Variants in LONRF2 observed in about 807,000 individuals in gnomAD.
LONRF2 encodes LON peptidase N-terminal domain and ring finger 2.
LONRF2 carries 35 observed loss-of-function variants against 66.6 expected under a neutral mutation model. The observed-to-expected ratio is 0.53, with a 90% CI of 0.40 to 0.70. LONRF2 has a LOEUF of 0.70. Among genes scored for constraint, LONRF2 ranks in the 30% least tolerant of loss-of-function variants. The probability of loss-of-function intolerance (pLI) is 0.00; values close to 1 mark genes in which losing one functional copy is unlikely to be tolerated. For missense variants in LONRF2, 902 were observed against 1,002.1 expected (o/e 0.90, Z 1.35); for synonymous variants, 417 against 418.1 (o/e 1.00, Z 0.03).
At position 100,299,724 on chromosome 2, in the gene LONRF2, G is replaced by T; in HGVS notation, c.1260C>A (p.Pro420=). The T allele has an allele frequency of 6.2e-7, 1 of 1,613,888 alleles. No individual in the cohort carries two copies. The highest frequency in any genetic ancestry group is 8.5e-7 in the Non-Finnish European group (1 of 1,179,904). The change falls in exon 5 of 12, where the codon CCC becomes CCA. Residue 420 remains proline, a synonymous_variant. Coordinates refer to ENST00000393437, the MANE Select transcript of LONRF2 (RefSeq NM_198461.4). The stretch of plus-strand genomic sequence containing the variant: ...TGAAAACAGTTCACTGACCTTTCTT[G>T]GGAATTTTTCCAGGGGCGTTCAGGT... ...APDLNAPGKI[P]KKDLSLQRSP...
At position 100,305,927 on chromosome 2, in the gene LONRF2, C is replaced by T. The variant is rs558381495; in HGVS notation, c.799-2884G>A. The stretch of plus-strand genomic sequence containing the variant: ...TTTTTGAGATGGAGTCTCGCTCTGT[C>T]GCCCAGGCTGGAGTGAAGTGGTGCC... On this transcript the variant is annotated intron_variant, in intron 2 of 11. Transcript: ENST00000393437. Among the ~76,000 whole-genome samples, 12 of 152,176 alleles carry T rather than the reference C, an allele frequency of 7.9e-5. No individual in the cohort carries two copies. The East Asian group carries it at 1.9e-3, about 25-fold the overall frequency.
rs549925101 is a variant in LONRF2 at position 100,309,900 on chromosome 2, C to T, written c.680-675G>A. Reference sequence around the variant, plus strand: ...GTTGGCCAGGCTGGTGTCAAACTCCCGACCTCAGGTGATCCACCCACCTCG... The same window carrying T: ...GTTGGCCAGGCTGGTGTCAAACTCCTGACCTCAGGTGATCCACCCACCTCG... On this transcript the variant is annotated intron_variant, in intron 1 of 11. Transcript: ENST00000393437. Among the ~76,000 whole-genome samples the T allele has an allele frequency of 3.9e-5, 6 of 152,108 alleles. No homozygotes were observed. In the East Asian group the frequency reaches 5.8e-4, roughly 15 times the overall value.
At position 100,278,340 on chromosome 2, in the gene LONRF2, C is replaced by G. The variant is rs4851283; in HGVS notation, c.*5958G>C. The G allele has an allele frequency of 0.78, 117,945 of 152,034 alleles. 46,676 individuals carry two copies. Among genetic ancestry groups the G allele is most frequent in the East Asian group, 0.97 (4,982 of 5,152 alleles). 9.4% of individuals were successfully genotyped at this position (152,034 alleles called of 1,614,324 possible). A position where few individuals can be genotyped will look rare whatever the true frequency, so the allele number is the denominator to read the frequency against. On this transcript the variant is annotated 3_prime_UTR_variant, in exon 12 of 12. Transcript: ENST00000393437. Reference sequence around the variant, plus strand: ...TTTCCCCCTATTCCTATAAATCTTGCATCTTATCCCCACCCCATCAGGGCT... The same window carrying G: ...TTTCCCCCTATTCCTATAAATCTTGGATCTTATCCCCACCCCATCAGGGCT...
At chr2:100,290,563 C>T (rs780199901) in intron 9 of LONRF2, 143 bp from the exon 10 acceptor site, 11 of 791,152 alleles carry the variant, frequency 1.4e-5, no homozygotes, top group Non-Finnish European at 2.0e-5. Flanking sequence ...GTTATTGTCG[C>T]TAAGAGACAC....
chr2:100,284,340 A>G lies in LONRF2; in HGVS notation c.2223T>C (p.Asn741=). Residue 741 remains asparagine (N), a synonymous_variant, in exon 12 of 12, where the codon AAT becomes AAC. Coordinates refer to ENST00000393437, the MANE Select transcript of LONRF2 (RefSeq NM_198461.4). ...RILVIITRKM[N]SRQELANARE... ...TGGCATTAGCCAGCTCTTGCCGACT[A>G]TTCATCTTACGCGTGATGATGACTA... 1.3e-6 allele frequency: 2 copies of G among 1,583,898 alleles called. No homozygotes were observed. The highest frequency in any genetic ancestry group is 1.3e-5 in the African/African-American group (1 of 74,626).
At chr2:100,294,077 G>A in intron 9 of LONRF2, 152 bp downstream of exon 9, 1 of 768,086 alleles carries the variant, frequency 1.3e-6, no homozygotes, top group Non-Finnish European at 2.1e-6. Flanking sequence ...AGAAGGGATG[G>A]GACTGCATTG....
In LONRF2 at chr2:100,322,047, C is replaced by A; in HGVS notation, c.47G>T (p.Gly16Val). ...VPPPPPPQCP[G>V]CDRAEPIAQR... ...GGCGATCGGCTCCGCGCGGTCGCAG[C>A]CAGGACACTGGGGCGGCGGCGGCGG... The change falls in exon 1 of 12, where the codon GGC becomes GTC. Residue 16 changes from glycine to valine, a missense_variant. By Grantham distance (109) the Gly-to-Val change is moderately radical. This residue lies in a region of LONRF2 where 585 missense variants were observed against 569.9 expected (regional missense o/e 1.03). Coordinates refer to ENST00000393437, the MANE Select transcript of LONRF2 (RefSeq NM_198461.4). 7.5e-7 allele frequency: 1 copy of A among 1,332,772 alleles called. No homozygotes were observed. Among genetic ancestry groups the A allele is most frequent in the Non-Finnish European group, 9.6e-7 (1 of 1,043,198 alleles). The allele number at this position is 1,332,772 out of a possible 1,614,324, so 82.6% of individuals were successfully genotyped here. A position where few individuals can be genotyped will look rare whatever the true frequency, so the allele number is the denominator to read the frequency against.
At chr2:100,311,586 A>C (rs2104207142) in intron 1 of LONRF2, among the ~76,000 whole-genome samples, 1 of 152,220 alleles carries the variant, frequency 6.6e-6, no homozygotes, top group Admixed American at 6.5e-5. Context: ...CTATTTCCTC[A>C]TGCTCTCATA....
At position 100,321,331 on chromosome 2, in the gene LONRF2, C is replaced by G. The variant is rs553983453; in HGVS notation, c.679+84G>C. On this transcript the variant is annotated intron_variant, in intron 1 of 11. Transcript: ENST00000393437. Reference sequence around the variant, plus strand: ...AGACAAAGCTCTCGAAAGCCCAAAGCCTCGGGCCCACCGGCCAGCTCCCCA... The same window carrying G: ...AGACAAAGCTCTCGAAAGCCCAAAGGCTCGGGCCCACCGGCCAGCTCCCCA... 3.6e-4 allele frequency: 429 copies of G among 1,204,040 alleles called. 2 individuals carry two copies. The East Asian group carries it at 9.1e-3, about 26-fold the overall frequency. 74.6% of individuals were successfully genotyped at this position (1,204,040 alleles called of 1,614,324 possible).
In LONRF2 at chr2:100,290,240, C is replaced by T. The variant is rs747516849; in HGVS notation, c.1920+18G>A. On this transcript the variant is annotated intron_variant, in intron 10 of 11. Transcript: ENST00000393437. Reference sequence around the variant, plus strand: ...GAGGACCGACTGCTATAAAATACACCAGTATGATAAGCCTTACCTTTTCAT... The same window carrying T: ...GAGGACCGACTGCTATAAAATACACTAGTATGATAAGCCTTACCTTTTCAT... The T allele has an allele frequency of 6.2e-7, 1 of 1,600,670 alleles. No individual in the cohort carries two copies. The highest frequency in any genetic ancestry group is 1.3e-5 in the African/African-American group (1 of 74,446).
chr2:100,304,629 T>TTTTG (rs1176935373), intron 2 of LONRF2, among the ~76,000 whole-genome samples: 10 of 147,418 alleles, frequency 6.8e-5, no homozygotes, highest in Non-Finnish European at 1.2e-4. Flanking sequence ...TTGACTGTTT[T>TTTTG]TTTTTTTTTT....
intron 10 of LONRF2, among the ~76,000 whole-genome samples, chr2:100,288,201 A>G (rs142892688): frequency 6.6e-6 from 1 of 152,256 alleles, no homozygotes; most frequent in Non-Finnish European, 1.5e-5. Context: ...TGTAGCTTTG[A>G]AACCCAGCTT....
intron 1 of LONRF2, among the ~76,000 whole-genome samples, chr2:100,315,241 T>A (rs918806567): frequency 1.9e-4 from 29 of 152,224 alleles, no homozygotes; most frequent in Admixed American, 5.9e-4. Context: ...GTTTAAAGTT[T>A]TTTTCCTATT....
At chr2:100,305,251 G>GT (rs1201663479) in intron 2 of LONRF2, among the ~76,000 whole-genome samples, 5 of 152,004 alleles carry the variant, frequency 3.3e-5, no homozygotes, top group African/African-American at 1.2e-4. Context: ...TCATGTGCAG[G>GT]TTTTTTTAGA....
At chr2:100,292,965 C>T (rs1478974316) in intron 9 of LONRF2, among the ~76,000 whole-genome samples, 1 of 152,156 alleles carries the variant, frequency 6.6e-6, no homozygotes, top group East Asian at 1.9e-4. Context: ...ATTTGGCGTC[C>T]ACATATGAGT....
chr2:100,318,675 C>CA (rs1432415208), intron 1 of LONRF2, among the ~76,000 whole-genome samples: 9 of 149,672 alleles, frequency 6.0e-5, no homozygotes, highest in African/African-American at 1.5e-4. Flanking sequence ...AACACACACA[C>CA]AAAAAAAATA....
chr2:100,308,379 T>C (rs1675339611), intron 2 of LONRF2, among the ~76,000 whole-genome samples: 1 of 152,192 alleles, frequency 6.6e-6, no homozygotes, highest in Non-Finnish European at 1.5e-5. Flanking sequence ...CCAGTGCTTG[T>C]CTACTAACCT....
chr2:100,290,270 A>G lies in LONRF2; in HGVS notation c.1908T>C (p.Leu636=), dbSNP rs1437023244. 5 of 1,612,856 alleles carry G rather than the reference A, an allele frequency of 3.1e-6. No homozygotes were observed. The African/African-American group carries it at 4.0e-5, about 13-fold the overall frequency. ...DGYNTADIEY[L]EDEKVEGPEY... Reference sequence around the variant, plus strand: ...TGATAAGCCTTACCTTTTCATCTTCAAGATATTCAATGTCCGCTGTGTTAT... The same window carrying G: ...TGATAAGCCTTACCTTTTCATCTTCGAGATATTCAATGTCCGCTGTGTTAT... The change falls in exon 10 of 12, where the codon CTT becomes CTC. Residue 636 remains leucine (L), a synonymous_variant. Transcript: ENST00000393437.
rs1436228863 is a variant in LONRF2 at position 100,284,054 on chromosome 2, A to T, written c.*244T>A. The T allele has an allele frequency of 1.0e-5, 4 of 397,044 alleles. No individual in the cohort carries two copies. Among genetic ancestry groups the T allele is most frequent in the Non-Finnish European group, 1.8e-5 (4 of 221,010 alleles). 24.6% of individuals were successfully genotyped at this position (397,044 alleles called of 1,614,324 possible). On this transcript the variant is annotated 3_prime_UTR_variant, in exon 12 of 12. Coordinates refer to ENST00000393437, the MANE Select transcript of LONRF2 (RefSeq NM_198461.4). ...CATTCCCCAAGCACCTGCTTCTAAGAGATTTTCTTAGGTTGTTTTCCAACT... is the reference window on the plus strand; with the variant it reads ...CATTCCCCAAGCACCTGCTTCTAAGTGATTTTCTTAGGTTGTTTTCCAACT...
Sources: allele counts gnomAD v4.1 joint callset (sites outside exome capture counted in the v4.1 genomes callset), GRCh38; gene constraint gnomAD v4.1.1; regional missense constraint gnomAD v4.1.1; transcripts MANE v1.5; gene names NCBI Gene and HGNC (gene_info 2026-07-23, HGNC 2026-07-21).